Variants in ZNF423 observed in about 807,000 individuals in gnomAD.
ZNF423 encodes the protein Ebf-associated zinc finger protein.
Under a neutral mutation model 95.8 loss-of-function variants are expected in ZNF423, and 12 were observed. That is an observed-to-expected ratio of 0.13 (90% CI 0.08 to 0.20). ZNF423 has a LOEUF of 0.20. Ranked by LOEUF, ZNF423 falls within the 10% of genes least tolerant of loss-of-function variation. The pLI, the probability that ZNF423 is intolerant of heterozygous loss-of-function variation, is 1.00. For missense variants in ZNF423, 1,316 were observed against 1,737.1 expected, an observed-to-expected ratio of 0.76 and a Z score of 4.31; for synonymous variants, 749 against 711.9, an observed-to-expected ratio of 1.05 and a Z score of -0.83.
intron 1 of ZNF423, chr16:49,847,761 C>G (rs1361620150): frequency 6.6e-6 from 1 of 152,088 alleles, no homozygotes; most frequent in African/African-American, 2.4e-5. Context: ...TGGGTGCCAA[C>G]TATAAATGAA....
chr16:49,573,272 A>G (rs1204817097), intron 5 of ZNF423, among the ~76,000 whole-genome samples: 1 of 152,166 alleles, frequency 6.6e-6, no homozygotes, highest in African/African-American at 2.4e-5. Context: ...GGGAGACTCC[A>G]GGCCAGTGAA....
chr16:49,623,754 G>T (rs553513334), intron 5 of ZNF423, among the ~76,000 whole-genome samples: 4 of 152,106 alleles, frequency 2.6e-5, no homozygotes, highest in Non-Finnish European at 5.9e-5. Flanking sequence ...CCCACTCTCC[G>T]CCAGGTGAGC....
intron 5 of ZNF423, among the ~76,000 whole-genome samples, chr16:49,587,705 T>C (rs972146093): frequency 1.3e-5 from 2 of 152,116 alleles, no homozygotes; most frequent in Non-Finnish European, 2.9e-5. Context: ...GGAAAGACTA[T>C]AAAAGTCATC....
chr16:49,815,896 ATATATATATATATATATATTT>A lies in ZNF423; in HGVS notation c.41-26371_41-26351del, dbSNP rs1567356311. Among the ~76,000 whole-genome samples, 289 of 55,104 alleles carry A rather than the reference ATATATATATATATATATATTT, an allele frequency of 5.2e-3. 1 individual carries two copies. Among genetic ancestry groups the A allele is most frequent in the East Asian group, 0.022 (45 of 2,070 alleles). The allele number at this position is 55,104 out of a possible 152,430, so 36.2% of individuals were successfully genotyped here. On this transcript the variant is annotated intron_variant, in intron 1 of 7. Transcript: ENST00000563137. ...AAAAAAAAAAAATATATATATATAT[ATATATATATATATATATATTT>A]TTTTTTTTTTTTTTTTTTTGAGACA...
intron 1 of ZNF423, chr16:49,854,440 A>C (rs1418030955): frequency 5.1e-6 from 5 of 985,400 alleles, no homozygotes; most frequent in Non-Finnish European, 6.0e-6. Flanking sequence ...GCAGGAAGGG[A>C]GCGGGGCCCC....
In ZNF423 at chr16:49,635,195, A is replaced by G. The variant is rs1266710627; in HGVS notation, c.3516+465T>C. On this transcript the variant is annotated intron_variant, in intron 4 of 7. Transcript: ENST00000563137. The surrounding 1 kb of genome is among the most constrained non-coding windows in gnomAD (Gnocchi z 4.8). ...TGTGTGTGATCTCTATGAACTGTCAAAAGAATCCTGGATCTAAGGCCCAGA... is the reference window on the plus strand; with the variant it reads ...TGTGTGTGATCTCTATGAACTGTCAGAAGAATCCTGGATCTAAGGCCCAGA... Among the ~76,000 whole-genome samples the G allele has an allele frequency of 6.6e-6, 1 of 152,094 alleles. No homozygotes were observed. Among genetic ancestry groups the G allele is most frequent in the Non-Finnish European group, 1.5e-5 (1 of 68,030 alleles).
Position 49,490,461 on chromosome 16 carries a change from T to C in ZNF423, c.*814A>G, listed in dbSNP as rs1406578670. 6.6e-6 allele frequency: 1 copy of C among 152,306 alleles called. No homozygotes were observed. The highest frequency in any genetic ancestry group is 1.5e-5 in the Non-Finnish European group (1 of 68,098). The allele number at this position is 152,306 out of a possible 1,614,324, so 9.4% of individuals were successfully genotyped here. A position where few individuals can be genotyped will look rare whatever the true frequency, so the allele number is the denominator to read the frequency against. On this transcript the variant is annotated 3_prime_UTR_variant, in exon 8 of 8. Transcript: ENST00000563137. Reference sequence around the variant, plus strand: ...CATGCATTAGGTTACTACGATTCTTTTCCAAGGGGAGCAGGGTCTATTGTG... The same window carrying C: ...CATGCATTAGGTTACTACGATTCTTCTCCAAGGGGAGCAGGGTCTATTGTG...
chr16:49,857,590 C>T (rs2144149388), upstream of ZNF423, among the ~76,000 whole-genome samples: 5 of 152,272 alleles, frequency 3.3e-5, no homozygotes, highest in South Asian at 1.0e-3. This position sits in a 1 kb window ranked among gnomAD's most constrained non-coding sequence, Gnocchi z 6.2. Flanking sequence ...GGCTTTTGCC[C>T]ACCGGTCGGT....
chr16:49,491,589 G>T (rs1007659990), intron 7 of ZNF423, among the ~76,000 whole-genome samples: 37 of 150,468 alleles, frequency 2.5e-4, no homozygotes, highest in Admixed American at 1.3e-4. Context: ...CTTACCGGGG[G>T]GACTGGCTAG....
intron 2 of ZNF423, among the ~76,000 whole-genome samples, chr16:49,732,557 T>C (rs1305750753): frequency 1.3e-5 from 2 of 152,230 alleles, no homozygotes; most frequent in African/African-American, 2.4e-5. Context: ...CAAAAGTGCG[T>C]GTATGTGCAC....
chr16:49,848,813 C>T lies in ZNF423; in HGVS notation c.40+6922G>A, dbSNP rs545879843. 3.9e-5 allele frequency among the ~76,000 whole-genome samples: 6 copies of T among 152,194 alleles called. No homozygotes were observed. The South Asian group carries it at 6.2e-4, about 16-fold the overall frequency. On this transcript the variant is annotated intron_variant, in intron 1 of 7. Coordinates refer to ENST00000563137, the MANE Select transcript of ZNF423 (RefSeq NM_001379286.1). ...CTCGGACGGAGTTTCCTGATGGATCCCTGTCATCTGGAGGCAGTTGGCAGC... is the reference window on the plus strand; with the variant it reads ...CTCGGACGGAGTTTCCTGATGGATCTCTGTCATCTGGAGGCAGTTGGCAGC...
At chr16:49,531,425 A>G (rs1968842112) in intron 5 of ZNF423, among the ~76,000 whole-genome samples, 1 of 151,984 alleles carries the variant, frequency 6.6e-6, no homozygotes, top group Non-Finnish European at 1.5e-5. Context: ...AGGAGGCAAG[A>G]GGGTGAGGTG....
In ZNF423 at chr16:49,854,260, G is replaced by A. The variant is rs546203588; in HGVS notation, c.40+1475C>T. On this transcript the variant is annotated intron_variant, in intron 1 of 7. Transcript: ENST00000563137. ...TCAGGGAAAAGGAGGAGTAGGAACGGGCCGGGCGCTCCGTTTGGACTCAGT... is the reference window on the plus strand; with the variant it reads ...TCAGGGAAAAGGAGGAGTAGGAACGAGCCGGGCGCTCCGTTTGGACTCAGT... 291 of 985,334 alleles carry A rather than the reference G, an allele frequency of 3.0e-4. 2 individuals are homozygous for A. The South Asian group carries it at 0.011, about 38-fold the overall frequency. 61.0% of individuals were successfully genotyped at this position (985,334 alleles called of 1,614,324 possible). A position where few individuals can be genotyped will look rare whatever the true frequency, so the allele number is the denominator to read the frequency against.
chr16:49,811,998 CT>C (rs1307170776), intron 1 of ZNF423, among the ~76,000 whole-genome samples: 2 of 152,366 alleles, frequency 1.3e-5, no homozygotes, highest in African/African-American at 4.8e-5. Flanking sequence ...CCTCCTGCCC[CT>C]AGGCCTGTGA....
At chr16:49,699,459 T>C (rs1189070955) in intron 3 of ZNF423, among the ~76,000 whole-genome samples, 2 of 152,206 alleles carry the variant, frequency 1.3e-5, no homozygotes, top group South Asian at 4.1e-4. Context: ...GGACATCTGT[T>C]TGGGGGCGCA....
chr16:49,654,433 C>A (rs990734521), intron 3 of ZNF423, among the ~76,000 whole-genome samples: 2 of 152,342 alleles, frequency 1.3e-5, no homozygotes, highest in African/African-American at 2.4e-5. Flanking sequence ...GCGTAGAGCA[C>A]AGGCCCCAGG....
At chr16:49,665,190 G>T (rs2030477260) in intron 3 of ZNF423, among the ~76,000 whole-genome samples, 1 of 152,262 alleles carries the variant, frequency 6.6e-6, no homozygotes, top group African/African-American at 2.4e-5. Context: ...GCCATCAAGA[G>T]CTTGGTGGGT....
At chr16:49,505,444 T>G (rs369645573) in intron 7 of ZNF423, among the ~76,000 whole-genome samples, 1 of 152,212 alleles carries the variant, frequency 6.6e-6, no homozygotes. Flanking sequence ...GACTAAGAAC[T>G]GTTCTGGCGG....
intron 3 of ZNF423, among the ~76,000 whole-genome samples, chr16:49,698,163 G>A (rs1376089168): frequency 6.6e-6 from 1 of 152,190 alleles, no homozygotes; most frequent in Non-Finnish European, 1.5e-5. Context: ...TAACTTTTCA[G>A]TGGGGTTTTC....
Sources: gnomAD v4.1 joint callset for allele counts (sites outside exome capture counted in the v4.1 genomes callset) on GRCh38, gnomAD v4.1.1 for gene constraint, Gnocchi (gnomAD v3.1) non-coding constraint, MANE v1.5 for transcripts, NCBI Gene and HGNC (gene_info 2026-07-23, HGNC 2026-07-21) for gene names.